KIF24: variants seen among roughly 807,000 people sequenced by gnomAD.
KIF24 encodes kinesin-like protein KIF24.
A neutral mutation model predicts 118.9 loss-of-function variants in KIF24; 81 were observed. The observed-to-expected ratio is 0.68, with a 90% CI of 0.57 to 0.82. The LOEUF (loss-of-function observed/expected upper bound fraction) is 0.82. KIF24 is among the 40% of genes least tolerant of loss of function. The probability of loss-of-function intolerance (pLI) is 0.00; values close to 1 mark genes in which losing one functional copy is unlikely to be tolerated. For synonymous variants in KIF24, 599 were observed against 610.0 expected (o/e 0.98, Z 0.27); for missense variants, 1,560 against 1,661.6 (o/e 0.94, Z 1.06).
intron 1 of KIF24, among the ~76,000 whole-genome samples, chr9:34,325,648 C>T (rs1412937303): frequency 1.3e-5 from 2 of 151,428 alleles, no homozygotes; most frequent in Non-Finnish European, 2.9e-5. Flanking sequence ...GCCAAGATTG[C>T]GCCACTGCAC....
At chr9:34,265,603 G>T (rs1301724119) in intron 8 of KIF24, among the ~76,000 whole-genome samples, 1 of 152,128 alleles carries the variant, frequency 6.6e-6, no homozygotes, top group East Asian at 1.9e-4. Flanking sequence ...ATTATTTCAG[G>T]TGATTTGACA....
In KIF24 at chr9:34,318,209, G is replaced by C. The variant is rs762341481; in HGVS notation, c.-25-6838C>G. Among the ~76,000 whole-genome samples, 1 of 152,012 alleles carries C rather than the reference G, an allele frequency of 6.6e-6. No individual in the cohort carries two copies. The highest frequency in any genetic ancestry group is 2.1e-4 in the South Asian group (1 of 4,820). ...GACCCCGCCCCTAAAAAAAAGACATGAATAATGAACATATAGGTAACCCTC... is the reference window on the plus strand; with the variant it reads ...GACCCCGCCCCTAAAAAAAAGACATCAATAATGAACATATAGGTAACCCTC... On this transcript the variant is annotated intron_variant, in intron 1 of 12. Coordinates refer to ENST00000402558, the MANE Select transcript of KIF24 (RefSeq NM_194313.4). This position sits in a 1 kb window ranked among gnomAD's most constrained non-coding sequence, Gnocchi z 4.9.
intron 9 of KIF24, 115 bp from the exon 10 acceptor site, chr9:34,259,820 T>C (rs1298241197): frequency 1.5e-6 from 1 of 650,120 alleles, no homozygotes; most frequent in Non-Finnish European, 2.8e-6. Context: ...AAAAAGGTAA[T>C]TAACATTAAC....
Position 34,255,084 on chromosome 9 carries a change from C to T in KIF24, c.3954G>A (p.Gln1318=). The T allele has an allele frequency of 6.3e-7, 1 of 1,589,418 alleles. No homozygotes were observed. The highest frequency in any genetic ancestry group is 1.3e-5 in the African/African-American group (1 of 74,534). Residue 1318 remains glutamine (Q), a synonymous_variant, in exon 12 of 13, where the codon CAG becomes CAA. Coordinates refer to ENST00000402558, the MANE Select transcript of KIF24 (RefSeq NM_194313.4). Reference sequence around the variant, plus strand: ...CAGGGCTACTTACATTAGAAGCCAGCTGGCTCATCAGCGTCTCCTCCTTGA... The same window carrying T: ...CAGGGCTACTTACATTAGAAGCCAGTTGGCTCATCAGCGTCTCCTCCTTGA... ...LGFKEETLMS[Q]LASNDFEDFV...
rs76104392 is a variant in KIF24, at chr9:34,271,556, C to A, written c.1337+253G>T. On this transcript the variant is annotated intron_variant, in intron 7 of 12. Transcript: ENST00000402558. ...ATTCCCTACTGTTTCTCTGCTGAAA[C>A]TGTGTTTCATGTTAGAAGCAATCAA... Among the ~76,000 whole-genome samples the A allele has an allele frequency of 4.6e-5, 7 of 152,284 alleles. No homozygotes were observed. The East Asian group carries it at 1.4e-3, about 29-fold the overall frequency.
At chr9:34,329,799 A>T (rs1157132169), upstream of KIF24, among the ~76,000 whole-genome samples, 1 of 152,100 alleles carries the variant, frequency 6.6e-6, no homozygotes, top group Non-Finnish European at 1.5e-5. Context: ...CTGCACCGGG[A>T]GAAGGGAGGT....
upstream of KIF24, among the ~76,000 whole-genome samples, chr9:34,333,565 ATGCAGTGAGCTCTTGAGGC>A (rs754423912): frequency 1.4e-3 from 187 of 137,056 alleles, no homozygotes; most frequent in Non-Finnish European, 2.1e-3. Context: ...CCCAGAAGGG[ATGCAGTGAGCTCTTGAGGC>A]TGCAGTGAGC....
chr9:34,312,681 T>G (rs754347258), intron 1 of KIF24, among the ~76,000 whole-genome samples: 2 of 152,272 alleles, frequency 1.3e-5, no homozygotes, highest in Non-Finnish European at 1.5e-5. Context: ...CCTAAACTAA[T>G]CCTGGCCTTC....
chr9:34,310,801 C>T lies in KIF24; in HGVS notation c.546G>A (p.Gly182=), dbSNP rs1186758573. Residue 182 remains glycine (G), a synonymous_variant, in exon 2 of 13, where the codon GGG becomes GGA. Transcript: ENST00000402558. ...TTTGAATAATGGGAATATCACAATCCCCCAGTATTGCAGAAAGGTAATTTG... is the reference window on the plus strand; with the variant it reads ...TTTGAATAATGGGAATATCACAATCTCCCAGTATTGCAGAAAGGTAATTTG... ...FSPNYLSAIL[G]DCDIPIIQRI... 6.2e-7 allele frequency: 1 copy of T among 1,612,540 alleles called. No individual in the cohort carries two copies. Among genetic ancestry groups the T allele is most frequent in the Non-Finnish European group, 8.5e-7 (1 of 1,178,652 alleles).
chr9:34,326,691 G>C (rs1837681762), intron 1 of KIF24, among the ~76,000 whole-genome samples: 1 of 152,174 alleles, frequency 6.6e-6, no homozygotes, highest in African/African-American at 2.4e-5. Context: ...GGCATAGTAG[G>C]TGAGAAGGAG....
In KIF24 at chr9:34,311,200, G is replaced by A. The variant is rs1360018053; in HGVS notation, c.147C>T (p.Asn49=). The change falls in exon 2 of 13, where the codon AAC becomes AAT. Residue 49 remains asparagine (N), a synonymous_variant. Transcript: ENST00000402558. ...DYSKLGVHDM[N]DRKRLFQLIK... The stretch of plus-strand genomic sequence containing the variant: ...TAAGTTGGAAGAGACGTTTGCGGTC[G>A]TTCATGTCATGGACTCCTAATTTGG... 9 of 1,613,046 alleles carry A rather than the reference G, an allele frequency of 5.6e-6. No individual in the cohort carries two copies. Among genetic ancestry groups the A allele is most frequent in the South Asian group, 3.3e-5 (3 of 90,956 alleles).
At chr9:34,317,368 C>T (rs969322135) in intron 1 of KIF24, among the ~76,000 whole-genome samples, 4 of 150,168 alleles carry the variant, frequency 2.7e-5, no homozygotes, top group Non-Finnish European at 4.4e-5. Context: ...CCAGCCTGGG[C>T]GACAGAAGGA....
chr9:34,323,505 T>C (rs564489828), intron 1 of KIF24, among the ~76,000 whole-genome samples: 1 of 152,268 alleles, frequency 6.6e-6, no homozygotes, highest in Admixed American at 6.5e-5. Context: ...TGGTAACCAA[T>C]GTTGGGTTTA....
chr9:34,280,297 A>T (rs1200512400), intron 6 of KIF24, among the ~76,000 whole-genome samples: 1 of 149,494 alleles, frequency 6.7e-6, no homozygotes, highest in Non-Finnish European at 1.5e-5. Flanking sequence ...AAAAAAAAAA[A>T]AAAAAAAAAA....
rs767910058 is a variant in KIF24, at chr9:34,257,388, C to A, written c.2219G>T (p.Gly740Val). 3 of 1,614,074 alleles carry A rather than the reference C, an allele frequency of 1.9e-6. No individual in the cohort carries two copies. Among genetic ancestry groups the A allele is most frequent in the East Asian group, 4.5e-5 (2 of 44,886 alleles). ...RAEYSQDSQR[G>V]TPARPASEAW... Reference sequence around the variant, plus strand: ...TTCAGAGGCAGGCCTAGCAGGCGTGCCCCTCTGGCTGTCTTGACTGTACTC... The same window carrying A: ...TTCAGAGGCAGGCCTAGCAGGCGTGACCCTCTGGCTGTCTTGACTGTACTC... Residue 740 changes from glycine to valine, a missense_variant, in exon 11 of 13, where the codon GGC becomes GTC. Transcript: ENST00000402558.
chr9:34,254,603 A>G, intron 12 of KIF24, 83 bp from the exon 13 acceptor site: 1 of 1,461,842 alleles, frequency 6.8e-7, no homozygotes, highest in Non-Finnish European at 9.3e-7. Flanking sequence ...CTCCTCTGGC[A>G]GGAAAGTTTC....
At chr9:34,260,361 A>G (rs1428243740) in intron 9 of KIF24, among the ~76,000 whole-genome samples, 3 of 152,304 alleles carry the variant, frequency 2.0e-5, no homozygotes, top group Admixed American at 6.5e-5. Flanking sequence ...AACAAACTAA[A>G]TAATTATACA....
intron 2 of KIF24, among the ~76,000 whole-genome samples, chr9:34,306,964 AAACC>A (rs147569928): frequency 6.0e-4 from 92 of 152,230 alleles, no homozygotes; most frequent in African/African-American, 2.1e-3. Flanking sequence ...CAACAACAAA[AAACC>A]AACCAACAAA....
intron 9 of KIF24, among the ~76,000 whole-genome samples, 200 bp from the exon 10 acceptor site, chr9:34,259,905 A>C (rs1163300725): frequency 6.6e-6 from 1 of 152,212 alleles, no homozygotes; most frequent in Non-Finnish European, 1.5e-5. Context: ...AAATGCAAAC[A>C]AACCATTAAA....
Sources: allele counts gnomAD v4.1 joint callset (sites outside exome capture counted in the v4.1 genomes callset), GRCh38; gene constraint gnomAD v4.1.1; non-coding constraint Gnocchi (gnomAD v3.1); transcripts MANE v1.5; gene names NCBI Gene and HGNC (gene_info 2026-07-23, HGNC 2026-07-21).